MAMDC4: variants seen among roughly 807,000 people sequenced by gnomAD.
MAMDC4 encodes apical endosomal glycoprotein.
In MAMDC4, 168 loss-of-function variants were observed where a neutral mutation model predicts 153.3. The ratio of observed to expected loss-of-function variants is 1.10; its 90% CI spans 0.97 to 1.25. The LOEUF is 1.25. Ranked by LOEUF, MAMDC4 falls within the 50% of genes most tolerant of loss-of-function variation. The probability of loss-of-function intolerance (pLI) is 0.00; values close to 1 mark genes in which losing one functional copy is unlikely to be tolerated. For missense variants in MAMDC4, 1,701 were observed against 1,542.8 expected, an observed-to-expected ratio of 1.10 and a Z score of -1.72; for synonymous variants, 744 against 651.5, an observed-to-expected ratio of 1.14 and a Z score of -2.16.
rs554030641 is a variant in MAMDC4, at chr9:136,856,006, C to G, written c.1589-12C>G. Reference sequence around the variant, plus strand: ...AAGGGATGAGGCTCTGAGCACCATGCTCTTCCCCTAGGGCACTTCCTGTCT... The same window carrying G: ...AAGGGATGAGGCTCTGAGCACCATGGTCTTCCCCTAGGGCACTTCCTGTCT... On this transcript the variant is annotated splice_polypyrimidine_tract_variant and intron_variant, in intron 13 of 26. Coordinates refer to ENST00000317446, the MANE Select transcript of MAMDC4 (RefSeq NM_206920.3). The G allele has an allele frequency of 3.4e-5, 55 of 1,605,810 alleles. No individual in the cohort carries two copies. The East Asian group carries it at 1.1e-3, about 31-fold the overall frequency.
rs533207272 is a variant in MAMDC4 at position 136,853,685 on chromosome 9, C to T, written c.454+15C>T. Reference sequence around the variant, plus strand: ...GGCCTCTGGAGGTGCACCCTGGACCCCCAAGGCTCGTGGGGGGTGCCCAAG... The same window carrying T: ...GGCCTCTGGAGGTGCACCCTGGACCTCCAAGGCTCGTGGGGGGTGCCCAAG... On this transcript the variant is annotated intron_variant, in intron 4 of 26. Coordinates refer to ENST00000317446, the MANE Select transcript of MAMDC4 (RefSeq NM_206920.3). 6.2e-7 allele frequency: 1 copy of T among 1,609,352 alleles called. No individual in the cohort carries two copies. The highest frequency in any genetic ancestry group is 1.7e-5 in the Admixed American group (1 of 59,630).
chr9:136,859,872 C>A lies in MAMDC4; in HGVS notation c.3194-14C>A, dbSNP rs372963560. ...GGCTGCTTTGGAGGGCTCACATGTCCCTATGGCCCACAGGGAACACAGCCG... is the reference window on the plus strand; with the variant it reads ...GGCTGCTTTGGAGGGCTCACATGTCACTATGGCCCACAGGGAACACAGCCG... On this transcript the variant is annotated splice_polypyrimidine_tract_variant and intron_variant, in intron 25 of 26. Coordinates refer to ENST00000317446, the MANE Select transcript of MAMDC4 (RefSeq NM_206920.3). The A allele has an allele frequency of 8.9e-5, 144 of 1,611,048 alleles. 1 individual carries two copies. The African/African-American group carries it at 1.8e-3, about 20-fold the overall frequency.
intron 22 of MAMDC4, 33 bp from the exon 23 acceptor site, chr9:136,858,686 A>G: frequency 1.2e-6 from 2 of 1,611,046 alleles, no homozygotes; most frequent in Non-Finnish European, 1.7e-6. Flanking sequence ...GGCTCTGCCC[A>G]TCAGCTGGGC....
At position 136,859,233 on chromosome 9, in the gene MAMDC4, G is replaced by GGCCA. The variant is rs770963340; in HGVS notation, c.3117_3120dup (p.Leu1041SerfsTer9). On this transcript the variant is annotated frameshift_variant, in exon 25 of 27. Transcript: ENST00000317446. LOFTEE classifies it high-confidence loss of function. ...GATCGTGTTTGAAGCCACTCTGGGCGGCCAGCCAGCCCTGGGGCCCATTGC... is the reference window on the plus strand; with the variant it reads ...GATCGTGTTTGAAGCCACTCTGGGCGGCCAGCCAGCCAGCCCTGGGGCCCATTGC... 8 of 1,611,788 alleles carry GGCCA rather than the reference G, an allele frequency of 5.0e-6. No individual in the cohort carries two copies. The African/African-American group carries it at 1.1e-4, about 21-fold the overall frequency.
chr9:136,858,181 G>C lies in MAMDC4; in HGVS notation c.2584-5G>C. 5 of 1,562,772 alleles carry C rather than the reference G, an allele frequency of 3.2e-6. No homozygotes were observed. The highest frequency in any genetic ancestry group is 4.3e-6 in the Non-Finnish European group (5 of 1,158,308). ...GCTGAGGCTGCCCTGCCCTGCACCC[G>C]CCAGGTGGTGTTTGAGGCAGTGGCC... On this transcript the variant is annotated splice_polypyrimidine_tract_variant and splice_region_variant and intron_variant, in intron 20 of 26. Coordinates refer to ENST00000317446, the MANE Select transcript of MAMDC4 (RefSeq NM_206920.3).
In MAMDC4 at chr9:136,855,476, C is replaced by T. The variant is rs773770969; in HGVS notation, c.1328C>T (p.Ala443Val). Reference sequence around the variant, plus strand: ...CTGCCTCCTGGGCCCCGGGCCCCAGCCCCCCAGCCCCTGCCGCCCAGCTCG... The same window carrying T: ...CTGCCTCCTGGGCCCCGGGCCCCAGTCCCCCAGCCCCTGCCGCCCAGCTCG... ...QPLPPGPRAP[A>V]PQPLPPSSRL... Residue 443 changes from alanine to valine, a missense_variant, in exon 12 of 27, where the codon GCC becomes GTC. Transcript: ENST00000317446. 1.2e-6 allele frequency: 2 copies of T among 1,604,370 alleles called. No homozygotes were observed. Among genetic ancestry groups the T allele is most frequent in the Admixed American group, 1.7e-5 (1 of 59,260 alleles).
At position 136,858,862 on chromosome 9, in the gene MAMDC4, G is replaced by A. The variant is rs202227468; in HGVS notation, c.2956+9G>A. ...TTTTCCTGAGCACTTCTGTGAGTCC[G>A]GCTGGGCCAATGGGTGCCTGGGCAA... On this transcript the variant is annotated intron_variant, in intron 23 of 26. Transcript: ENST00000317446. 1,170 of 1,603,080 alleles carry A rather than the reference G, an allele frequency of 7.3e-4. 7 individuals are homozygous for A. The highest frequency in any genetic ancestry group is 8.4e-4 in the Non-Finnish European group (985 of 1,174,986).
chr9:136,856,251 G>A (rs1849002525), intron 14 of MAMDC4, 102 bp downstream of exon 14: 1 of 1,578,856 alleles, frequency 6.3e-7, no homozygotes, highest in Non-Finnish European at 8.7e-7. Flanking sequence ...CCGCCCCGCT[G>A]GCCAGGCTTC....
chr9:136,855,432 G>T lies in MAMDC4; in HGVS notation c.1284G>T (p.Glu428Asp), dbSNP rs760368012. The change falls in exon 12 of 27, where the codon GAG (glutamate) becomes GAT (aspartate). Residue 428 changes from glutamate to aspartate, a missense_variant and splice_region_variant. Coordinates refer to ENST00000317446, the MANE Select transcript of MAMDC4 (RefSeq NM_206920.3). ...CTGACACCAGTTCTGCCCCCACAGA[G>T]GTGTCCACCCTGCAGCCGCTGCCTC... ...ILSDHCRPVS[E>D]VSTLQPLPPG... 2 of 1,609,480 alleles carry T rather than the reference G, an allele frequency of 1.2e-6. No individual in the cohort carries two copies. Among genetic ancestry groups the T allele is most frequent in the South Asian group, 2.2e-5 (2 of 90,724 alleles).
At chr9:136,852,603 C>G in intron 1 of MAMDC4, 141 bp downstream of exon 1, 3 of 1,094,488 alleles carry the variant, frequency 2.7e-6, no homozygotes, top group Non-Finnish European at 4.1e-6. Context: ...CCTTGGCCGG[C>G]CTGCAAGGGG....
In MAMDC4 at chr9:136,858,444, G is replaced by T; in HGVS notation, c.2719G>T (p.Ala907Ser). ...ESGLCGWSHL[A>S]WPGLGGYSWD... is the part of the protein sequence containing the mutation. ...TGGCCTGTGTGGCTGGAGCCACCTG[G>T]CCTGGCCCGGCCTGGGCGGATACAG... Residue 907 changes from alanine to serine, a missense_variant, in exon 22 of 27, where the codon GCC (alanine) becomes TCC (serine). Coordinates refer to ENST00000317446, the MANE Select transcript of MAMDC4 (RefSeq NM_206920.3). The T allele has an allele frequency of 6.2e-7, 1 of 1,606,128 alleles. No homozygotes were observed. Among genetic ancestry groups the T allele is most frequent in the South Asian group, 1.1e-5 (1 of 91,060 alleles).
In MAMDC4 at chr9:136,852,420, C is replaced by A; in HGVS notation, c.4C>A (p.Pro2Thr). ...CACTGCTCCCTCTGGCCCAACCATG[C>A]CTCTGTCCAGCCACCTGCTGCCCGC... M[P>T]LSSHLLPALV... The change falls in exon 1 of 27, where the codon CCT becomes ACT. Residue 2 changes from proline to threonine, a missense_variant. Physicochemically the swap from Pro to Thr is conservative, Grantham distance 38. Transcript: ENST00000317446. The A allele has an allele frequency of 6.2e-7, 1 of 1,610,020 alleles. No individual in the cohort carries two copies. Among genetic ancestry groups the A allele is most frequent in the Non-Finnish European group, 8.5e-7 (1 of 1,179,952 alleles).
chr9:136,856,372 G>C (rs1359679085), intron 14 of MAMDC4: 1 of 873,292 alleles, frequency 1.1e-6, no homozygotes, highest in Non-Finnish European at 2.0e-6. Context: ...CCCGCCGCCG[G>C]CCCTTCCGGG....
intron 25 of MAMDC4, 54 bp downstream of exon 25, chr9:136,859,371 G>A: frequency 2.0e-6 from 3 of 1,511,848 alleles, no homozygotes; most frequent in Non-Finnish European, 1.8e-6. Context: ...GGCCAGCCTG[G>A]CTCGGGGTTT....
At chr9:136,859,836 C>A in intron 25 of MAMDC4, 50 bp from the exon 26 acceptor site, 1 of 1,601,546 alleles carries the variant, frequency 6.2e-7, no homozygotes, top group Non-Finnish European at 8.5e-7. Context: ...CTCCTTAGCC[C>A]CAGATGTGGG....
rs1849053087 is a variant in MAMDC4, at chr9:136,859,308, C to T, written c.3184C>T (p.Pro1062Ser). The T allele has an allele frequency of 4.3e-6, 7 of 1,610,746 alleles. No individual in the cohort carries two copies. Among genetic ancestry groups the T allele is most frequent in the East Asian group, 2.2e-5 (1 of 44,884 alleles). Residue 1062 changes from proline (P) to serine (S), a missense_variant, in exon 25 of 27, where the codon CCC becomes TCC. Coordinates refer to ENST00000317446, the MANE Select transcript of MAMDC4 (RefSeq NM_206920.3). ...TGGGCAGCATTGCCAGCAGCCTGCC[C>T]CCAGCCCGGGTGAGCCCTGGGCTGC... ...LAGQHCQQPAPSPGNTAAPGS... is the reference protein window; with the variant it reads ...LAGQHCQQPASSPGNTAAPGS...
At position 136,854,947 on chromosome 9, in the gene MAMDC4, A is replaced by C; in HGVS notation, c.1034A>C (p.Tyr345Ser). The change falls in exon 10 of 27, where the codon TAT becomes TCT. Residue 345 changes from tyrosine to serine, a missense_variant. Tyr to Ser is a moderately radical substitution (Grantham distance 144, BLOSUM62 -2). Coordinates refer to ENST00000317446, the MANE Select transcript of MAMDC4 (RefSeq NM_206920.3). Reference protein sequence around the residue: ...SGTSNCSLVFYQYLSGSEAGC... With the variant: ...SGTSNCSLVFSQYLSGSEAGC... ...CTCTTGGTTCCACAGCTGGTCTTCTATCAGTACCTGAGTGGGTCTGAGGCT... is the reference window on the plus strand; with the variant it reads ...CTCTTGGTTCCACAGCTGGTCTTCTCTCAGTACCTGAGTGGGTCTGAGGCT... 1 of 1,611,300 alleles carries C rather than the reference A, an allele frequency of 6.2e-7. No homozygotes were observed. Among genetic ancestry groups the C allele is most frequent in the South Asian group, 1.1e-5 (1 of 90,954 alleles).
In MAMDC4 at chr9:136,856,132, TAC is replaced by T. The variant is rs1849000912; in HGVS notation, c.1705_1706del (p.Gln569GlufsTer9). 1 of 1,612,298 alleles carries T rather than the reference TAC, an allele frequency of 6.2e-7. No homozygotes were observed. The highest frequency in any genetic ancestry group is 8.5e-7 in the Non-Finnish European group (1 of 1,179,796). ...TGTGAACTCCACCTGGCTTATTATT[TAC>T]AGAGCCAGCCCCGAGGTACCGCCAC... On this transcript the variant is annotated frameshift_variant, in exon 14 of 27. Coordinates refer to ENST00000317446, the MANE Select transcript of MAMDC4 (RefSeq NM_206920.3). LOFTEE classifies it high-confidence loss of function.
rs1340989135 is a variant in MAMDC4, at chr9:136,857,183, T to C, written c.1991T>C (p.Met664Thr). The C allele has an allele frequency of 1.2e-6, 2 of 1,612,272 alleles. No individual in the cohort carries two copies. The highest frequency in any genetic ancestry group is 1.7e-6 in the Non-Finnish European group (2 of 1,179,836). ...CCTGCAGGGACTCTGCGCCTAGCCA[T>C]GAGACGGGAAGGGGAGGAGACACAC... ...GPQIGTLRLAMRREGEETHLW... is the reference protein window; with the variant it reads ...GPQIGTLRLATRREGEETHLW... Residue 664 changes from methionine to threonine, a missense_variant, in exon 17 of 27, where the codon ATG (methionine) becomes ACG (threonine). By Grantham distance (81) the Met-to-Thr change is moderately conservative. Transcript: ENST00000317446.
Sources: allele counts gnomAD v4.1 joint callset, GRCh38; gene constraint gnomAD v4.1.1; transcripts MANE v1.5; gene names NCBI Gene and HGNC (gene_info 2026-07-23, HGNC 2026-07-21).